Variants in RCC2 observed in about 807,000 individuals in gnomAD.
RCC2 encodes protein RCC2.
RCC2 carries 19 observed loss-of-function variants against 64.1 expected under a neutral mutation model. That is an observed-to-expected ratio of 0.30 (90% CI 0.21 to 0.44). The LOEUF (loss-of-function observed/expected upper bound fraction) is 0.44. Among genes scored for constraint, RCC2 ranks in the 20% least tolerant of loss-of-function variants. The pLI, the probability that RCC2 is intolerant of heterozygous loss-of-function variation, is 1.00. For missense variants in RCC2, 508 were observed against 710.4 expected (o/e 0.72, Z 3.24); for synonymous variants, 325 against 279.6 (o/e 1.16, Z -1.62).
intron 2 of RCC2, among the ~76,000 whole-genome samples, chr1:17,432,681 G>A (rs2075694560): frequency 1.3e-5 from 2 of 152,266 alleles, no homozygotes; most frequent in African/African-American, 4.8e-5. Context: ...TAACCGCAGT[G>A]GCCTTGGCCT....
At chr1:17,417,642 C>T (rs1250101910) in intron 7 of RCC2, among the ~76,000 whole-genome samples, 4 of 152,052 alleles carry the variant, frequency 2.6e-5, no homozygotes, top group African/African-American at 9.7e-5. Context: ...GAGATCATGC[C>T]ACTGCACTCC....
chr1:17,425,423 A>G (rs1380422868), intron 4 of RCC2, 118 bp downstream of exon 4: 1 of 1,036,382 alleles, frequency 9.6e-7, no homozygotes, highest in Non-Finnish European at 1.4e-6. Context: ...TGGGCTGTGA[A>G]CGAAGGAGCC....
chr1:17,436,426 T>A (rs1014523945), intron 2 of RCC2, among the ~76,000 whole-genome samples: 1 of 152,106 alleles, frequency 6.6e-6, no homozygotes, highest in Non-Finnish European at 1.5e-5. Context: ...AAAAATCACT[T>A]GAACCTGAGA....
chr1:17,438,603 C>T lies in RCC2; in HGVS notation c.-8-81G>A, dbSNP rs569364186. The T allele has an allele frequency of 3.6e-5, 44 of 1,228,614 alleles. No individual in the cohort carries two copies. The Admixed American group carries it at 5.0e-4, about 14-fold the overall frequency. The allele number at this position is 1,228,614 out of a possible 1,614,324, so 76.1% of individuals were successfully genotyped here. ...GGGAGGGGAGCGGAGACGAGCCACC[C>T]GGCCTCCACTTCCTCCTCTGCCCTC... On this transcript the variant is annotated intron_variant, in intron 1 of 12. Coordinates refer to ENST00000375436, the MANE Select transcript of RCC2 (RefSeq NM_018715.4).
chr1:17,419,415 G>A (rs976866714), intron 7 of RCC2, among the ~76,000 whole-genome samples: 2 of 152,178 alleles, frequency 1.3e-5, no homozygotes, highest in African/African-American at 4.8e-5. Context: ...GGGGCACAAG[G>A]CATGAGTGTG....
chr1:17,422,239 A>G lies in RCC2; in HGVS notation c.708T>C (p.Leu236=). Residue 236 remains leucine (L), a synonymous_variant, in exon 6 of 13, where the codon CTT becomes CTC. Transcript: ENST00000375436. ...FGENKMGQLG[L]GNQTDAVPSP... is the part of the protein sequence containing the mutation. The stretch of plus-strand genomic sequence containing the variant: ...TGGGAACAGCGTCTGTCTGGTTGCC[A>G]AGGCCCAGCTGCCCCATCTTGTTTT... 6.2e-7 allele frequency: 1 copy of G among 1,612,304 alleles called. No homozygotes were observed. Among genetic ancestry groups the G allele is most frequent in the Non-Finnish European group, 8.5e-7 (1 of 1,179,880 alleles).
rs75212216 is a variant in RCC2, at chr1:17,425,014, G to A, written c.523+527C>T. The stretch of plus-strand genomic sequence containing the variant: ...AGTATCTGGGGAAATATCCTAAGAA[G>A]CAGACAACACGGACAGTGAGCTGCC... On this transcript the variant is annotated intron_variant, in intron 4 of 12. Transcript: ENST00000375436. Among the ~76,000 whole-genome samples the A allele has an allele frequency of 5.9e-3, 906 of 152,314 alleles. 7 individuals carry two copies. The highest frequency in any genetic ancestry group is 0.021 in the African/African-American group (865 of 41,558).
intron 2 of RCC2, among the ~76,000 whole-genome samples, chr1:17,437,568 C>G (rs966750733): frequency 1.3e-5 from 2 of 152,138 alleles, no homozygotes; most frequent in Admixed American, 6.5e-5. Flanking sequence ...GGGGCTACAA[C>G]AGAGCCCTCG....
chr1:17,432,621 C>T (rs1183409694), intron 2 of RCC2, among the ~76,000 whole-genome samples: 1 of 152,256 alleles, frequency 6.6e-6, no homozygotes, highest in Non-Finnish European at 1.5e-5. Context: ...AGCCTCAGCT[C>T]CATCAGGCCA....
In RCC2 at chr1:17,407,680, G is replaced by A. The variant is rs556827253; in HGVS notation, c.*1410C>T. 7.4e-4 allele frequency: 113 copies of A among 152,632 alleles called. No individual in the cohort carries two copies. The highest frequency in any genetic ancestry group is 2.6e-3 in the African/African-American group (108 of 41,510). The allele number at this position is 152,632 out of a possible 1,614,324, so 9.5% of individuals were successfully genotyped here. A position where few individuals can be genotyped will look rare whatever the true frequency, so the allele number is the denominator to read the frequency against. ...TACATCATTTTTGGCATTTTAACAT[G>A]GAGACAGTGACAAGTGGTAACAAAG... is the stretch of plus-strand genomic sequence containing the variant. On this transcript the variant is annotated 3_prime_UTR_variant, in exon 13 of 13. Coordinates refer to ENST00000375436, the MANE Select transcript of RCC2 (RefSeq NM_018715.4).
intron 2 of RCC2, among the ~76,000 whole-genome samples, chr1:17,433,764 T>C (rs1451791390): frequency 1.3e-5 from 2 of 152,184 alleles, no homozygotes; most frequent in Non-Finnish European, 2.9e-5. Context: ...ATGATCCAAA[T>C]GCAAGGTGCG....
intron 8 of RCC2, among the ~76,000 whole-genome samples, chr1:17,415,542 C>T (rs901310078): frequency 2.6e-5 from 4 of 151,568 alleles, no homozygotes; most frequent in Non-Finnish European, 5.9e-5. Context: ...GAAACCCCAT[C>T]TCTACTAAAA....
At position 17,422,280 on chromosome 1, in the gene RCC2, C is replaced by A; in HGVS notation, c.667G>T (p.Val223Leu). ...ATCTTGTTTTCCCCAAACGCAAACA[C>A]GGAGCCCGTTTCTGGAAGAAAGGAA... Reference protein sequence around the residue: ...HTLALTETGSVFAFGENKMGQ... With the variant: ...HTLALTETGSLFAFGENKMGQ... The change falls in exon 6 of 13, where the codon GTG (valine) becomes TTG (leucine). Residue 223 changes from valine (V) to leucine (L), a missense_variant. Physicochemically the swap from Val to Leu is conservative, Grantham distance 32 (BLOSUM62 1). Transcript: ENST00000375436. 1.2e-6 allele frequency: 2 copies of A among 1,611,316 alleles called. No individual in the cohort carries two copies. Among genetic ancestry groups the A allele is most frequent in the Non-Finnish European group, 1.7e-6 (2 of 1,179,534 alleles).
At position 17,438,560 on chromosome 1, in the gene RCC2, G is replaced by C. The variant is rs202107696; in HGVS notation, c.-8-38C>G. On this transcript the variant is annotated intron_variant, in intron 1 of 12. Coordinates refer to ENST00000375436, the MANE Select transcript of RCC2 (RefSeq NM_018715.4). ...ACGGGGCAGCGGCGCACAATGGACG[G>C]GTTATAAACTGCGCGGGGGGAGGGG... 534 of 1,291,126 alleles carry C rather than the reference G, an allele frequency of 4.1e-4. 2 individuals are homozygous for C. The highest frequency in any genetic ancestry group is 6.1e-4 in the Middle Eastern group (2 of 3,260). The allele number at this position is 1,291,126 out of a possible 1,614,324, so 80.0% of individuals were successfully genotyped here.
At chr1:17,424,546 T>G (rs2075591937) in intron 4 of RCC2, among the ~76,000 whole-genome samples, 1 of 152,120 alleles carries the variant, frequency 6.6e-6, no homozygotes. Flanking sequence ...AAGTATAAAT[T>G]TGGGCCAGAC....
rs751420949 is a variant in RCC2, at chr1:17,413,517, A to AG, written c.1207+19dup. 6 of 1,613,120 alleles carry AG rather than the reference A, an allele frequency of 3.7e-6. No homozygotes were observed. The highest frequency in any genetic ancestry group is 4.5e-5 in the East Asian group (2 of 44,886). On this transcript the variant is annotated intron_variant, in intron 9 of 12. Coordinates refer to ENST00000375436, the MANE Select transcript of RCC2 (RefSeq NM_018715.4). ...TTCCGCACCAGAGCACTGATAAGCC[A>AG]GGGGGCAGAAATCACTAACCCACTT...
intron 11 of RCC2, among the ~76,000 whole-genome samples, chr1:17,411,135 C>T (rs2075420103): frequency 6.6e-6 from 1 of 152,080 alleles, no homozygotes; most frequent in Admixed American, 6.6e-5. Flanking sequence ...CACAAGAGTG[C>T]AGGAGAGGGA....
intron 3 of RCC2, among the ~76,000 whole-genome samples, chr1:17,427,572 G>A (rs2075631029): frequency 6.6e-6 from 1 of 152,202 alleles, no homozygotes; most frequent in Non-Finnish European, 1.5e-5. Context: ...TTGCCATGAA[G>A]ACAAAATGAT....
chr1:17,417,077 A>G (rs950245127), intron 7 of RCC2, among the ~76,000 whole-genome samples: 4 of 152,230 alleles, frequency 2.6e-5, no homozygotes, highest in African/African-American at 9.6e-5. Context: ...AGGGACCACA[A>G]GGAGCCCCTA....
Sources: gnomAD v4.1 joint callset for allele counts (sites outside exome capture counted in the v4.1 genomes callset) on GRCh38, gnomAD v4.1.1 for gene constraint, MANE v1.5 for transcripts, NCBI Gene and HGNC (gene_info 2026-07-23, HGNC 2026-07-21) for gene names.